The following PCDH15 variants were observed in gnomAD, a reference collection of about 807,000 sequenced individuals.
PCDH15 encodes protocadherin-15.
PCDH15 carries 129 observed loss-of-function variants against 178.5 expected under a neutral mutation model. That is an observed-to-expected ratio of 0.72 (90% CI 0.63 to 0.84). The LOEUF is 0.84. PCDH15 is among the 40% of genes least tolerant of loss of function. The probability of loss-of-function intolerance (pLI) is 0.00; values close to 1 mark genes in which losing one functional copy is unlikely to be tolerated. For missense variants in PCDH15, 2,230 were observed against 2,099.9 expected (o/e 1.06, Z -1.21); for synonymous variants, 800 against 732.0 (o/e 1.09, Z -1.50).
chr10:55,512,721 G>A (rs1840913665), intron 2 of PCDH15: 1 of 152,016 alleles, frequency 6.6e-6, no homozygotes, highest in Admixed American at 6.6e-5. Context: ...CCAAGCCACT[G>A]GAAGGATTAG....
intron 3 of PCDH15, among the ~76,000 whole-genome samples, chr10:54,440,142 C>A (rs550482211): frequency 1.7e-4 from 26 of 152,006 alleles, no homozygotes; most frequent in African/African-American, 5.5e-4. Context: ...GATTAGCAAC[C>A]AGATGTGGCA....
chr10:55,604,639 A>G (rs1485071743), intron 2 of PCDH15, among the ~76,000 whole-genome samples: 5 of 149,520 alleles, frequency 3.3e-5, no homozygotes, highest in African/African-American at 9.9e-5. Flanking sequence ...CTGCTCCTGA[A>G]TGACTACTGG....
chr10:54,233,512 C>T (rs12245058), intron 9 of PCDH15, among the ~76,000 whole-genome samples: 8,302 of 152,202 alleles, frequency 0.055, 560 homozygotes, highest in African/African-American at 0.17. Context: ...TTATTTCAAT[C>T]ATCTTCAATT....
intron 1 of PCDH15, among the ~76,000 whole-genome samples, chr10:55,224,331 C>A (rs1840966326): frequency 1.3e-5 from 2 of 152,128 alleles, no homozygotes; most frequent in Admixed American, 1.3e-4. Context: ...AAGGTGACAT[C>A]TGTTTTCTTC....
chr10:54,885,777 A>G lies in PCDH15; in HGVS notation c.-29+11673T>C, dbSNP rs1227874011. 2.0e-5 allele frequency among the ~76,000 whole-genome samples: 3 copies of G among 151,950 alleles called. No individual in the cohort carries two copies. In the South Asian group the frequency reaches 6.2e-4, roughly 32 times the overall value. ...TGACAGTAGGGTTCTATGAGAAAAA[A>G]CTCTGAGAACACAATAAAGGCCAAG... On this transcript the variant is annotated intron_variant, in intron 3 of 5. Coordinates refer to the PCDH15 transcript ENST00000458638.
chr10:55,563,421 T>C (rs1269235164), intron 2 of PCDH15, among the ~76,000 whole-genome samples: 1 of 151,794 alleles, frequency 6.6e-6, no homozygotes, highest in African/African-American at 2.4e-5. Context: ...ATAAAAGTCT[T>C]TAAGTTTACA....
chr10:54,577,632 C>G (rs2090620185), intron 2 of PCDH15, among the ~76,000 whole-genome samples: 1 of 151,992 alleles, frequency 6.6e-6, no homozygotes, highest in Non-Finnish European at 1.5e-5. Context: ...AAGTTCAAGG[C>G]AAAGCATTGC....
chr10:55,340,373 C>T (rs1037235416), intron 2 of PCDH15, among the ~76,000 whole-genome samples: 1 of 151,808 alleles, frequency 6.6e-6, no homozygotes, highest in Non-Finnish European at 1.5e-5. Context: ...GTGATTGTTG[C>T]AGCATCTCCT....
chr10:54,145,534 A>G (rs537812911), intron 14 of PCDH15, among the ~76,000 whole-genome samples: 1 of 152,226 alleles, frequency 6.6e-6, no homozygotes, highest in East Asian at 1.9e-4. Context: ...AAGAGCAAAA[A>G]CTTCACATTG....
At chr10:53,836,585 G>A (rs1231354230) in intron 29 of PCDH15, among the ~76,000 whole-genome samples, 1 of 152,230 alleles carries the variant, frequency 6.6e-6, no homozygotes, top group East Asian at 1.9e-4. Flanking sequence ...TTTTGGCACA[G>A]TGGAAGTAAT....
At chr10:54,255,339 C>A (rs370330756) in intron 8 of PCDH15, among the ~76,000 whole-genome samples, 8 of 152,252 alleles carry the variant, frequency 5.3e-5, no homozygotes, top group Admixed American at 4.6e-4. Context: ...TGAAATAATT[C>A]TTTGCATTGC....
At chr10:54,611,492 G>A (rs950566993) in intron 2 of PCDH15, among the ~76,000 whole-genome samples, 13 of 151,762 alleles carry the variant, frequency 8.6e-5, no homozygotes, top group Admixed American at 3.9e-4. Flanking sequence ...TGTTTTGTTC[G>A]GATAATTAGA....
Position 54,078,754 on chromosome 10 carries a change from AT to A in PCDH15, c.2091+576del, listed in dbSNP as rs34613457. On this transcript the variant is annotated intron_variant, in intron 17 of 37. Transcript: ENST00000644397. Reference sequence around the variant, plus strand: ...TTAAAGCAGTTCAGAATGTCTAACAATTTTTTTTTTTTAAAGTGAGTTTTAG... The same window carrying A: ...TTAAAGCAGTTCAGAATGTCTAACAATTTTTTTTTTTAAAGTGAGTTTTAG... Among the ~76,000 whole-genome samples, 45 of 148,782 alleles carry A rather than the reference AT, an allele frequency of 3.0e-4. No homozygotes were observed. The South Asian group carries it at 3.8e-3, about 13-fold the overall frequency.
At chr10:54,292,864 A>T (rs1197638504) in intron 8 of PCDH15, among the ~76,000 whole-genome samples, 2 of 152,204 alleles carry the variant, frequency 1.3e-5, no homozygotes. Flanking sequence ...AGGAAGAATC[A>T]ATATTGTGAA....
intron 1 of PCDH15, among the ~76,000 whole-genome samples, chr10:54,796,211 G>A (rs1951939866): frequency 6.9e-6 from 1 of 144,116 alleles, no homozygotes; most frequent in African/African-American, 2.6e-5. Flanking sequence ...TCTCTTCTCT[G>A]TCTTTCTACA....
chr10:55,054,011 A>G (rs1188530971), intron 2 of PCDH15, among the ~76,000 whole-genome samples: 1 of 152,192 alleles, frequency 6.6e-6, no homozygotes, highest in Non-Finnish European at 1.5e-5. Context: ...TCAAAGCTAC[A>G]TGTGCAGGTT....
chr10:54,329,395 G>A (rs1938919253), intron 7 of PCDH15, among the ~76,000 whole-genome samples: 1 of 151,804 alleles, frequency 6.6e-6, no homozygotes, highest in Admixed American at 6.6e-5. Flanking sequence ...TAATTTAGAG[G>A]TCAAAGAATA....
At chr10:54,559,896 C>CCCTTT (rs1232369217) in intron 2 of PCDH15, among the ~76,000 whole-genome samples, 2 of 146,312 alleles carry the variant, frequency 1.4e-5, no homozygotes, top group East Asian at 4.1e-4. Context: ...GTGGTTTGCT[C>CCCTTT]CCTTTCCCCA....
intron 8 of PCDH15, among the ~76,000 whole-genome samples, chr10:54,296,148 A>AAAAAAAAAAAAAAAAAAAAAAAAC (rs2059767164): frequency 7.5e-6 from 1 of 132,886 alleles, no homozygotes; most frequent in Non-Finnish European, 1.5e-5. Context: ...CCGTCTCAAA[A>AAAAAAAAAAAAAAAAAAAAAAAAC]AAAAAAAAAA....
Sources: allele counts gnomAD v4.1 joint callset (sites outside exome capture counted in the v4.1 genomes callset), GRCh38; gene constraint gnomAD v4.1.1; transcripts MANE v1.5; gene names NCBI Gene and HGNC (gene_info 2026-07-23, HGNC 2026-07-21).